GAPVD1: variants seen among roughly 807,000 people sequenced by gnomAD.
GAPVD1 encodes the protein GTPase activating protein and VPS9 domains 1, also known as GTPase-activating protein and VPS9 domain-containing protein 1.
A neutral mutation model predicts 155.5 loss-of-function variants in GAPVD1; 35 were observed. The ratio of observed to expected loss-of-function variants is 0.23; its 90% confidence interval spans 0.17 to 0.30. The LOEUF (loss-of-function observed/expected upper bound fraction) is 0.30. Among genes scored for constraint, GAPVD1 ranks in the 10% least tolerant of loss-of-function variants. The pLI is 1.00. For missense variants in GAPVD1, 1,429 were observed against 1,775.7 expected (o/e 0.80, Z 3.51); for synonymous variants, 636 against 619.7 (o/e 1.03, Z -0.39).
intron 4 of GAPVD1, among the ~76,000 whole-genome samples, chr9:125,300,087 A>G (rs1272245200): frequency 2.0e-5 from 2 of 101,160 alleles, no homozygotes; most frequent in African/African-American, 7.6e-5. Context: ...ATATATATAT[A>G]TATATATGTA....
chr9:125,291,418 A>C (rs1370261930), intron 2 of GAPVD1, among the ~76,000 whole-genome samples: 1 of 152,230 alleles, frequency 6.6e-6, no homozygotes, highest in Non-Finnish European at 1.5e-5. Flanking sequence ...TTGAGGGTGC[A>C]TTCAAGGAAG....
intron 24 of GAPVD1, 141 bp from the exon 25 acceptor site, chr9:125,355,503 T>C (rs1272577215): frequency 3.4e-6 from 2 of 592,232 alleles, no homozygotes; most frequent in African/African-American, 3.7e-5. Context: ...TGTCCTAAAA[T>C]AAACTACACT....
intron 19 of GAPVD1, among the ~76,000 whole-genome samples, chr9:125,344,808 A>T (rs898658144): frequency 7.3e-6 from 1 of 137,314 alleles, no homozygotes; most frequent in African/African-American, 2.8e-5. Context: ...TGTTTCTATT[A>T]AAAAAAAAAA....
At chr9:125,273,647 G>A (rs1431466453) in intron 2 of GAPVD1, among the ~76,000 whole-genome samples, 2 of 152,030 alleles carry the variant, frequency 1.3e-5, no homozygotes, top group Non-Finnish European at 2.9e-5. Context: ...TGTTATGAGC[G>A]AGGTGGGTCT....
chr9:125,333,577 C>G (rs1420887906), intron 15 of GAPVD1, among the ~76,000 whole-genome samples: 1 of 147,264 alleles, frequency 6.8e-6, no homozygotes, highest in African/African-American at 2.5e-5. Flanking sequence ...CAACCTCTGT[C>G]TCCCAGGTTC....
intron 3 of GAPVD1, among the ~76,000 whole-genome samples, chr9:125,296,666 T>TTTC: frequency 6.8e-6 from 1 of 147,444 alleles, no homozygotes; most frequent in Non-Finnish European, 1.5e-5. Context: ...TTTTTTTTTT[T>TTTC]TCTCCTATTT....
chr9:125,361,010 C>T (rs921808206), intron 27 of GAPVD1, among the ~76,000 whole-genome samples: 14 of 152,086 alleles, frequency 9.2e-5, no homozygotes, highest in African/African-American at 3.1e-4. Context: ...TACAGGCGTG[C>T]GTCACCATGC....
In GAPVD1 at chr9:125,364,808, A is replaced by T. The variant is rs1851354861; in HGVS notation, c.*2062A>T. The T allele has an allele frequency of 6.6e-6, 1 of 152,576 alleles. No homozygotes were observed. The highest frequency in any genetic ancestry group is 6.6e-5 in the Admixed American group (1 of 15,264). The allele number at this position is 152,576 out of a possible 1,614,324, so 9.5% of individuals were successfully genotyped here. ...AATACATCACGAGGCCAGCTGTGTGATTTCTGAGACCTAGATGAGAGTCCA... is the reference window on the plus strand; with the variant it reads ...AATACATCACGAGGCCAGCTGTGTGTTTTCTGAGACCTAGATGAGAGTCCA... On this transcript the variant is annotated 3_prime_UTR_variant, in exon 28 of 28. Coordinates refer to ENST00000297933, the MANE Select transcript of GAPVD1 (RefSeq NM_001282680.3).
intron 2 of GAPVD1, among the ~76,000 whole-genome samples, chr9:125,274,206 C>T (rs534058413): frequency 6.5e-4 from 99 of 151,694 alleles, no homozygotes; most frequent in African/African-American, 2.3e-3. Flanking sequence ...TTAGTAGAGA[C>T]GGGGTTTCAC....
At chr9:125,332,096 AGGTGTT>A (rs1175651609) in intron 14 of GAPVD1, 36 bp downstream of exon 14, 55 of 1,598,830 alleles carry the variant, frequency 3.4e-5, no homozygotes, top group Non-Finnish European at 4.5e-5. Context: ...AGGGATTTGA[AGGTGTT>A]CACCCCCTAC....
chr9:125,278,337 A>T (rs1207546817), intron 2 of GAPVD1, among the ~76,000 whole-genome samples: 1 of 150,106 alleles, frequency 6.7e-6, no homozygotes, highest in East Asian at 2.0e-4. Context: ...TCTGGCCAAC[A>T]TGGTGAAACC....
At chr9:125,336,092 C>CT (rs1337723966) in intron 15 of GAPVD1, among the ~76,000 whole-genome samples, 2 of 148,536 alleles carry the variant, frequency 1.3e-5, no homozygotes, top group East Asian at 4.0e-4. Context: ...CTGCAGTGAG[C>CT]TATGTTTGCA....
intron 2 of GAPVD1, among the ~76,000 whole-genome samples, chr9:125,269,349 T>G (rs945571942): frequency 3.9e-5 from 6 of 152,314 alleles, no homozygotes; most frequent in African/African-American, 1.4e-4. Flanking sequence ...ACATATTTCC[T>G]TCTCTGGAGT....
intron 20 of GAPVD1, 26 bp from the exon 21 acceptor site, chr9:125,349,364 G>A (rs201233779): frequency 1.9e-5 from 31 of 1,601,096 alleles, no homozygotes; most frequent in African/African-American, 4.0e-5. Context: ...CTGGGTATCC[G>A]TTTCTTGGGG....
chr9:125,315,019 C>A (rs564199735), intron 9 of GAPVD1, among the ~76,000 whole-genome samples: 1 of 152,040 alleles, frequency 6.6e-6, no homozygotes, highest in African/African-American at 2.4e-5. Context: ...GATCTCCTGA[C>A]CTCGTGATCC....
At chr9:125,355,459 C>G (rs1158299340) in intron 24 of GAPVD1, among the ~76,000 whole-genome samples, 185 bp from the exon 25 acceptor site, 1 of 152,098 alleles carries the variant, frequency 6.6e-6, no homozygotes, top group Non-Finnish European at 1.5e-5. Context: ...ATATTTCTTG[C>G]TTTTTCTCCT....
At chr9:125,297,389 G>T (rs1840053772) in intron 3 of GAPVD1, among the ~76,000 whole-genome samples, 3 of 152,182 alleles carry the variant, frequency 2.0e-5, no homozygotes, top group South Asian at 4.1e-4. Flanking sequence ...TTTTTTAAAA[G>T]GCCAGAAGAG....
At chr9:125,333,535 C>G (rs1475288811) in intron 15 of GAPVD1, among the ~76,000 whole-genome samples, 1 of 137,274 alleles carries the variant, frequency 7.3e-6, no homozygotes, top group African/African-American at 2.8e-5. Flanking sequence ...GTTGCCCAGG[C>G]TGGAGTGCAA....
intron 21 of GAPVD1, 97 bp downstream of exon 21, chr9:125,349,616 T>C: frequency 9.7e-7 from 1 of 1,026,632 alleles, no homozygotes; most frequent in East Asian, 2.4e-5. Context: ...AATAAATGTA[T>C]AAAGCAGGGA....
Sources: gnomAD v4.1 joint callset for allele counts (sites outside exome capture counted in the v4.1 genomes callset) on GRCh38, gnomAD v4.1.1 for gene constraint, MANE v1.5 for transcripts, NCBI Gene and HGNC (gene_info 2026-07-23, HGNC 2026-07-21) for gene names.